The following RBM33 variants were observed in gnomAD, a reference collection of about 807,000 sequenced individuals.
RBM33 encodes the protein RNA-binding protein 33.
In RBM33, 28 loss-of-function variants were observed where a neutral mutation model predicts 132.6. The observed-to-expected ratio is 0.21, with a 90% confidence interval of 0.16 to 0.29. RBM33 has a LOEUF of 0.29. RBM33 is among the 10% of genes least tolerant of loss of function. The pLI, the probability that RBM33 is intolerant of heterozygous loss-of-function variation, is 1.00. For missense variants in RBM33, 1,291 were observed against 1,518.5 expected, an observed-to-expected ratio of 0.85 and a Z score of 2.49; for synonymous variants, 634 against 593.0, an observed-to-expected ratio of 1.07 and a Z score of -1.01.
At chr7:155,771,241 G>A (rs112496620) in intron 16 of RBM33, among the ~76,000 whole-genome samples, 15 of 152,230 alleles carry the variant, frequency 9.9e-5, no homozygotes, top group African/African-American at 3.6e-4. Context: ...CACAGTGGAA[G>A]CTGGCGACCA....
chr7:155,663,490 C>T (rs575030120), intron 1 of RBM33, among the ~76,000 whole-genome samples: 63 of 152,044 alleles, frequency 4.1e-4, no homozygotes, highest in Non-Finnish European at 7.6e-4. Flanking sequence ...GGGTGCCACA[C>T]TTTACAACAA....
At chr7:155,723,912 G>T (rs1408586425) in intron 9 of RBM33, among the ~76,000 whole-genome samples, 1 of 152,134 alleles carries the variant, frequency 6.6e-6, no homozygotes, top group African/African-American at 2.4e-5. Context: ...GCTGTTTTTC[G>T]TTTATTGGCT....
chr7:155,706,349 C>T lies in RBM33; in HGVS notation c.740-511C>T, dbSNP rs116433204. On this transcript the variant is annotated intron_variant, in intron 6 of 17. Coordinates refer to ENST00000401878, the MANE Select transcript of RBM33 (RefSeq NM_053043.3). ...TCTATTAAAATGCAAAAAAATCAGC[C>T]GGCGTGGCGGTGTGCACCTGTGTAG... is the stretch of plus-strand genomic sequence containing the variant. Among the ~76,000 whole-genome samples, 422 of 152,220 alleles carry T rather than the reference C, an allele frequency of 2.8e-3. 2 individuals carry two copies. Among genetic ancestry groups the T allele is most frequent in the African/African-American group, 9.5e-3 (395 of 41,534 alleles).
intron 6 of RBM33, among the ~76,000 whole-genome samples, chr7:155,702,703 A>G (rs1051584989): frequency 6.6e-6 from 1 of 152,190 alleles, no homozygotes; most frequent in African/African-American, 2.4e-5. Context: ...AGGGCAACCC[A>G]CAGCCACCAC....
chr7:155,725,443 T>G (rs1361876425), intron 9 of RBM33, among the ~76,000 whole-genome samples: 1 of 152,114 alleles, frequency 6.6e-6, no homozygotes, highest in East Asian at 1.9e-4. Flanking sequence ...TGGAGGCCAG[T>G]TCTCTTAGTT....
intron 5 of RBM33, among the ~76,000 whole-genome samples, chr7:155,693,321 GA>G (rs1224051752): frequency 1.5e-5 from 2 of 131,560 alleles, no homozygotes; most frequent in Non-Finnish European, 3.3e-5. Flanking sequence ...TCACTCTTGT[GA>G]TTTTTTTTTC....
intron 1 of RBM33, among the ~76,000 whole-genome samples, chr7:155,655,384 A>G (rs543513888): frequency 6.6e-6 from 1 of 152,044 alleles, no homozygotes; most frequent in East Asian, 1.9e-4. Context: ...TTTCCTATTA[A>G]TAAAACACTT....
chr7:155,737,244 G>A (rs1489361048), intron 9 of RBM33, among the ~76,000 whole-genome samples: 3 of 135,218 alleles, frequency 2.2e-5, no homozygotes, highest in East Asian at 2.2e-4. Context: ...ATCTAGGTGC[G>A]CGTGTGTGTG....
intron 15 of RBM33, among the ~76,000 whole-genome samples, chr7:155,764,443 A>T (rs1041954785): frequency 1.3e-5 from 2 of 152,228 alleles, no homozygotes; most frequent in Non-Finnish European, 2.9e-5. Flanking sequence ...GTCTTTAGAA[A>T]TGAAGTAACT....
At chr7:155,656,219 G>C (rs1344838220) in intron 1 of RBM33, among the ~76,000 whole-genome samples, 1 of 152,228 alleles carries the variant, frequency 6.6e-6, no homozygotes, top group Admixed American at 6.5e-5. Flanking sequence ...TTGTTAACCA[G>C]TGTGATTTTG....
intron 2 of RBM33, among the ~76,000 whole-genome samples, chr7:155,670,966 A>G (rs1798928761): frequency 6.6e-6 from 1 of 152,190 alleles, no homozygotes; most frequent in Non-Finnish European, 1.5e-5. Context: ...GATACTTTCT[A>G]GATTTTTGCT....
At chr7:155,717,515 A>G (rs1261432567) in intron 8 of RBM33, among the ~76,000 whole-genome samples, 2 of 113,280 alleles carry the variant, frequency 1.8e-5, no homozygotes, top group Admixed American at 1.1e-4. Context: ...GCTTCAACGT[A>G]TACATTTGGG....
chr7:155,739,403 C>T (rs1296804591), intron 11 of RBM33: 2 of 287,970 alleles, frequency 6.9e-6, no homozygotes, highest in East Asian at 8.4e-5. Flanking sequence ...TGTGTGTATA[C>T]TGGTTTCAGT....
At chr7:155,696,459 C>A (rs1799797257) in intron 5 of RBM33, among the ~76,000 whole-genome samples, 1 of 152,184 alleles carries the variant, frequency 6.6e-6, no homozygotes, top group Admixed American at 6.5e-5. Context: ...TGACTAGAAA[C>A]ATTCAGGACA....
intron 8 of RBM33, among the ~76,000 whole-genome samples, chr7:155,714,327 G>A (rs1490513504): frequency 2.0e-5 from 3 of 152,174 alleles, no homozygotes; most frequent in Non-Finnish European, 4.4e-5. Flanking sequence ...CCAGGGAGGA[G>A]GCTGAGATGG....
At chr7:155,654,613 A>G (rs1263079339) in intron 1 of RBM33, among the ~76,000 whole-genome samples, 2 of 152,256 alleles carry the variant, frequency 1.3e-5, no homozygotes, top group African/African-American at 4.8e-5. Flanking sequence ...TGGAATGCCC[A>G]TCTACTTGAC....
At chr7:155,673,758 G>GCA (rs763675540) in intron 3 of RBM33, among the ~76,000 whole-genome samples, 50 of 64,478 alleles carry the variant, frequency 7.8e-4, no homozygotes, top group South Asian at 3.2e-3. Flanking sequence ...GTATATACGC[G>GCA]CGCATGCGCG....
intron 7 of RBM33, among the ~76,000 whole-genome samples, chr7:155,709,253 C>T (rs1049095262): frequency 1.3e-5 from 2 of 152,060 alleles, no homozygotes; most frequent in Non-Finnish European, 2.9e-5. Flanking sequence ...TGCACTGTTA[C>T]AGTATGTATA....
At chr7:155,725,837 C>T (rs1222974391) in intron 9 of RBM33, among the ~76,000 whole-genome samples, 3 of 152,044 alleles carry the variant, frequency 2.0e-5, no homozygotes, top group Non-Finnish European at 4.4e-5. Flanking sequence ...TGCATGAAAC[C>T]TAGTACTTGG....
Sources: gnomAD v4.1 joint callset for allele counts (sites outside exome capture counted in the v4.1 genomes callset) on GRCh38, gnomAD v4.1.1 for gene constraint, MANE v1.5 for transcripts, NCBI Gene and HGNC (gene_info 2026-07-23, HGNC 2026-07-21) for gene names.